TRPM7: variants seen among roughly 807,000 people sequenced by gnomAD.
TRPM7 encodes LTRPC ion channel family member 7.
In TRPM7, 134 loss-of-function variants were observed where a neutral mutation model predicts 229.7. The ratio of observed to expected loss-of-function variants is 0.58; its 90% CI spans 0.51 to 0.67. TRPM7 has a LOEUF of 0.67. Among genes scored for constraint, TRPM7 ranks in the 30% least tolerant of loss-of-function variants. TRPM7 has a pLI of 0.00. For synonymous variants in TRPM7, 699 were observed against 715.2 expected (o/e 0.98, Z 0.36); for missense variants, 1,901 against 2,210.0 (o/e 0.86, Z 2.80).
Position 50,572,635 on chromosome 15 carries a change from T to C in TRPM7, c.5308+1639A>G, listed in dbSNP as rs186906942. Among the ~76,000 whole-genome samples the C allele has an allele frequency of 9.8e-5, 15 of 152,368 alleles. No homozygotes were observed. The East Asian group carries it at 2.9e-3, about 29-fold the overall frequency. On this transcript the variant is annotated intron_variant, in intron 36 of 38. Transcript: ENST00000646667. Reference sequence around the variant, plus strand: ...AGCCTGCAGTATCTCTAATGTATGCTTGTAATTTTTAAACTTAACTGGATT... The same window carrying C: ...AGCCTGCAGTATCTCTAATGTATGCCTGTAATTTTTAAACTTAACTGGATT...
At chr15:50,587,427 G>C (rs1596110180) in intron 27 of TRPM7, among the ~76,000 whole-genome samples, 1 of 60,576 alleles carries the variant, frequency 1.7e-5, no homozygotes, top group South Asian at 5.3e-4. Context: ...TTTTTTTTGA[G>C]ATGGAGTCTT....
chr15:50,655,442 AAAAAACAAAAAAAC>A (rs748624124), intron 3 of TRPM7, among the ~76,000 whole-genome samples: 3,724 of 150,640 alleles, frequency 0.025, 101 homozygotes, highest in Middle Eastern at 0.037. Flanking sequence ...CAAAGGAAAA[AAAAAACAAAAAAAC>A]AAAAAACCTT....
chr15:50,575,187 G>A (rs764449440), intron 33 of TRPM7, 52 bp from the exon 34 acceptor site: 6 of 1,469,426 alleles, frequency 4.1e-6, no homozygotes, highest in Non-Finnish European at 4.6e-6. Flanking sequence ...TTTTAAAAAC[G>A]ACAAAGTAAA....
intron 5 of TRPM7, among the ~76,000 whole-genome samples, 175 bp from the exon 6 acceptor site, chr15:50,639,723 C>G (rs1268533070): frequency 6.7e-6 from 1 of 149,774 alleles, no homozygotes; most frequent in Non-Finnish European, 1.5e-5. Context: ...CGTGCTAAGA[C>G]AGCCGGCTAA....
chr15:50,558,439 T>C lies in TRPM7; in HGVS notation c.*3239A>G, dbSNP rs2053201318. 6.6e-6 allele frequency: 1 copy of C among 152,190 alleles called. No homozygotes were observed. The highest frequency in any genetic ancestry group is 6.6e-5 in the Admixed American group (1 of 15,264). The allele number at this position is 152,190 out of a possible 1,614,324, so 9.4% of individuals were successfully genotyped here. On this transcript the variant is annotated 3_prime_UTR_variant, in exon 39 of 39. Coordinates refer to ENST00000646667, the MANE Select transcript of TRPM7 (RefSeq NM_017672.6). ...CAGGCATGGTGGCTCACACCTATAA[T>C]CCCAGTACTTTGGGTAGCCGGGGGA...
intron 27 of TRPM7, 119 bp downstream of exon 27, chr15:50,589,473 G>T: frequency 1.5e-6 from 1 of 665,938 alleles, no homozygotes; most frequent in Non-Finnish European, 2.5e-6. Context: ...GTATCAGCAT[G>T]TTAATGATAT....
rs1311647046 is a variant in TRPM7, at chr15:50,557,265, T to C, written c.*4413A>G. 1.3e-5 allele frequency: 2 copies of C among 152,220 alleles called. No homozygotes were observed. Among genetic ancestry groups the C allele is most frequent in the African/African-American group, 4.8e-5 (2 of 41,466 alleles). 9.4% of individuals were successfully genotyped at this position (152,220 alleles called of 1,614,324 possible). A position where few individuals can be genotyped will look rare whatever the true frequency, so the allele number is the denominator to read the frequency against. Reference sequence around the variant, plus strand: ...ATCTCTTCAAGAGGAAGTCTGGTATTATGGAAAAACATTTTGTCATTCAGA... The same window carrying C: ...ATCTCTTCAAGAGGAAGTCTGGTATCATGGAAAAACATTTTGTCATTCAGA... On this transcript the variant is annotated 3_prime_UTR_variant, in exon 39 of 39. Transcript: ENST00000646667.
intron 9 of TRPM7, among the ~76,000 whole-genome samples, 197 bp downstream of exon 9, chr15:50,632,672 T>C (rs930400311): frequency 2.0e-5 from 3 of 152,200 alleles, no homozygotes; most frequent in Admixed American, 6.5e-5. Context: ...CTCAATACCA[T>C]ATAAAAAACT....
chr15:50,579,797 A>T (rs538196361), intron 30 of TRPM7, among the ~76,000 whole-genome samples: 15 of 152,068 alleles, frequency 9.9e-5, no homozygotes, highest in South Asian at 2.1e-4. Context: ...TTTCTTTTTT[A>T]AAAAAAATTA....
At chr15:50,616,831 C>A (rs561856172) in intron 13 of TRPM7, among the ~76,000 whole-genome samples, 3 of 152,178 alleles carry the variant, frequency 2.0e-5, no homozygotes, top group Non-Finnish European at 4.4e-5. Flanking sequence ...CAGGCACATG[C>A]CACCACACCT....
Position 50,635,664 on chromosome 15 carries a change from CAAA to C in TRPM7, c.833-1111_833-1109del, listed in dbSNP as rs765054880. On this transcript the variant is annotated intron_variant, in intron 7 of 38. Coordinates refer to ENST00000646667, the MANE Select transcript of TRPM7 (RefSeq NM_017672.6). ...AGCAACAGAGCAAGACTCCATCTCC[CAAA>C]AAAAAAAAAAAAAAAAAAAAAAAAG... 6.5e-3 allele frequency among the ~76,000 whole-genome samples: 369 copies of C among 56,522 alleles called. 5 individuals are homozygous for C. The highest frequency in any genetic ancestry group is 0.019 in the African/African-American group (352 of 18,908). 37.1% of individuals were successfully genotyped at this position (56,522 alleles called of 152,430 possible).
chr15:50,650,993 G>C (rs1382486915), intron 3 of TRPM7, among the ~76,000 whole-genome samples: 3 of 152,054 alleles, frequency 2.0e-5, no homozygotes, highest in Non-Finnish European at 4.4e-5. Flanking sequence ...GTTTAGACCA[G>C]CCCGGGCAAC....
At chr15:50,666,417 G>A (rs1253631400) in intron 1 of TRPM7, among the ~76,000 whole-genome samples, 2 of 151,984 alleles carry the variant, frequency 1.3e-5, no homozygotes, top group Non-Finnish European at 2.9e-5. Flanking sequence ...CTCCAGCCTG[G>A]GTGACAGAAT....
chr15:50,629,980 G>A (rs2060683871), intron 10 of TRPM7, among the ~76,000 whole-genome samples: 1 of 147,410 alleles, frequency 6.8e-6, no homozygotes, highest in Admixed American at 7.1e-5. Flanking sequence ...TTGTGCCTCA[G>A]CCTCCAGAGT....
At chr15:50,594,759 T>C (rs773482464) in intron 23 of TRPM7, 146 bp from the exon 24 acceptor site, 104 of 562,208 alleles carry the variant, frequency 1.8e-4, no homozygotes, top group Non-Finnish European at 2.9e-4. Context: ...AATGAGAAAC[T>C]AGAAAAGATA....
Position 50,612,615 on chromosome 15 carries a change from A to G in TRPM7, c.1985T>C (p.Met662Thr), listed in dbSNP as rs2060091928. 6.2e-7 allele frequency: 1 copy of G among 1,614,150 alleles called. No homozygotes were observed. Among genetic ancestry groups the G allele is most frequent in the Non-Finnish European group, 8.5e-7 (1 of 1,180,006 alleles). Residue 662 changes from methionine (M) to threonine (T), a missense_variant, in exon 16 of 39, where the codon ATG (methionine) becomes ACG (threonine). By Grantham distance (81) the Met-to-Thr change is moderately conservative. This residue lies in a region of TRPM7 where 794 missense variants were observed against 881.9 expected (regional missense o/e 0.90). Coordinates refer to ENST00000646667, the MANE Select transcript of TRPM7 (RefSeq NM_017672.6). ...ALVACKIYRS[M>T]AYEAKQSDLV... ...GTCACTCTGCTTTGCTTCATATGCC[A>G]TTGAACGATAGATCTTACAGGCAAC...
intron 1 of TRPM7, among the ~76,000 whole-genome samples, chr15:50,679,511 A>ATAATATATATGTGT (rs2062184777): frequency 1.3e-5 from 1 of 75,458 alleles, no homozygotes; most frequent in South Asian, 3.9e-4. Context: ...GTATATATAT[A>ATAATATATATGTGT]ATATATATAT....
At chr15:50,683,090 C>A (rs1391242331) in intron 1 of TRPM7, among the ~76,000 whole-genome samples, 1 of 151,610 alleles carries the variant, frequency 6.6e-6, no homozygotes, top group Admixed American at 6.6e-5. Context: ...GTTTCGCCAT[C>A]TTTCCCAGGC....
intron 2 of TRPM7, among the ~76,000 whole-genome samples, chr15:50,662,050 T>G (rs1453149449): frequency 6.6e-6 from 1 of 151,718 alleles, no homozygotes; most frequent in Non-Finnish European, 1.5e-5. Context: ...AAACCCTGTT[T>G]CTACTAAAAA....
Sources: gnomAD v4.1 joint callset for allele counts (sites outside exome capture counted in the v4.1 genomes callset) on GRCh38, gnomAD v4.1.1 for gene constraint, gnomAD v4.1.1 regional missense constraint, MANE v1.5 for transcripts, NCBI Gene and HGNC (gene_info 2026-07-23, HGNC 2026-07-21) for gene names.